PTPRN2: variants seen among roughly 807,000 people sequenced by gnomAD.
PTPRN2 encodes the protein protein tyrosine phosphatase receptor type N2.
A neutral mutation model predicts 118.8 loss-of-function variants in PTPRN2; 74 were observed. The ratio of observed to expected loss-of-function variants is 0.62; its 90% CI spans 0.52 to 0.76. PTPRN2 has a LOEUF of 0.76. PTPRN2 is among the 30% of genes least tolerant of loss of function. The pLI is 0.00. For missense variants in PTPRN2, 1,481 were observed against 1,394.4 expected (o/e 1.06, Z -0.99); for synonymous variants, 641 against 608.0 (o/e 1.05, Z -0.80).
chr7:158,511,200 C>T (rs966500816), intron 1 of PTPRN2, among the ~76,000 whole-genome samples: 4 of 152,174 alleles, frequency 2.6e-5, no homozygotes, highest in Non-Finnish European at 4.4e-5. Flanking sequence ...CTTTTCCTTT[C>T]CCTCCTCACC....
intron 11 of PTPRN2, among the ~76,000 whole-genome samples, chr7:157,982,587 T>G (rs111804167): frequency 0.064 from 1,494 of 23,410 alleles, 1 homozygote; most frequent in Admixed American, 0.089. Context: ...TAGAGACGAG[T>G]AGGGGAATGC....
chr7:157,633,866 C>G (rs1804124523), intron 14 of PTPRN2, among the ~76,000 whole-genome samples: 1 of 152,230 alleles, frequency 6.6e-6, no homozygotes, highest in Non-Finnish European at 1.5e-5. Context: ...GGGAAGCTTT[C>G]ATGAGTTTTA....
chr7:157,789,627 G>GGT (rs1804302646), intron 12 of PTPRN2, among the ~76,000 whole-genome samples: 1 of 152,102 alleles, frequency 6.6e-6, no homozygotes, highest in Admixed American at 6.6e-5. Context: ...GTGTGTATGT[G>GGT]GTGTGTGGTG....
chr7:158,163,205 T>C (rs1822524421), intron 6 of PTPRN2, among the ~76,000 whole-genome samples: 5 of 152,166 alleles, frequency 3.3e-5, no homozygotes, highest in Admixed American at 3.3e-4. Flanking sequence ...CAATATTCTC[T>C]GTATATTTCA....
chr7:157,840,827 C>A (rs1230000221), intron 12 of PTPRN2, among the ~76,000 whole-genome samples: 1 of 152,202 alleles, frequency 6.6e-6, no homozygotes, highest in Non-Finnish European at 1.5e-5. Flanking sequence ...GAAGAGGAGC[C>A]CCGTCCTCAG....
chr7:157,720,997 G>A (rs989599923), intron 12 of PTPRN2, among the ~76,000 whole-genome samples: 1 of 152,124 alleles, frequency 6.6e-6, no homozygotes, highest in Non-Finnish European at 1.5e-5. Context: ...GTGGGGGCTC[G>A]GGGAGGTGTC....
In PTPRN2 at chr7:158,538,147, T is replaced by C. The variant is rs542199469; in HGVS notation, c.113-48362A>G. Among the ~76,000 whole-genome samples the C allele has an allele frequency of 6.6e-4, 101 of 152,360 alleles. 1 individual carries two copies. Among genetic ancestry groups the C allele is most frequent in the African/African-American group, 2.3e-3 (94 of 41,598 alleles). ...CGCTGGCGGAAAAGAGCACAGCTCGTGCACCTTTAGAATCAGTGCCCCTTT... is the reference window on the plus strand; with the variant it reads ...CGCTGGCGGAAAAGAGCACAGCTCGCGCACCTTTAGAATCAGTGCCCCTTT... On this transcript the variant is annotated intron_variant, in intron 1 of 22. Transcript: ENST00000389418.
intron 2 of PTPRN2, among the ~76,000 whole-genome samples, chr7:158,399,954 C>A (rs67537656): frequency 6.6e-6 from 1 of 151,860 alleles, no homozygotes; most frequent in Non-Finnish European, 1.5e-5. Context: ...CTGGGAGGGG[C>A]GGCGAGTCTG....
intron 5 of PTPRN2, among the ~76,000 whole-genome samples, chr7:158,171,631 G>A (rs542469856): frequency 2.8e-3 from 426 of 152,108 alleles, no homozygotes; most frequent in Non-Finnish European, 4.5e-3. Flanking sequence ...GATTACAAGC[G>A]TGAGCCACCA....
chr7:157,872,152 C>T (rs1349006546), intron 12 of PTPRN2, among the ~76,000 whole-genome samples: 3 of 141,876 alleles, frequency 2.1e-5, no homozygotes, highest in Admixed American at 6.9e-5. Flanking sequence ...CACACACATA[C>T]ACAGCGCCTC....
rs116507346 is a variant in PTPRN2 at position 158,522,710 on chromosome 7, G to A, written c.113-32925C>T. On this transcript the variant is annotated intron_variant, in intron 1 of 22. Transcript: ENST00000389418. Reference sequence around the variant, plus strand: ...ATGGTCTGGAGTCCGTGAGGCACTCGGACCACCGGAGCCAGCCCAGGGGTT... The same window carrying A: ...ATGGTCTGGAGTCCGTGAGGCACTCAGACCACCGGAGCCAGCCCAGGGGTT... Among the ~76,000 whole-genome samples, 1,437 of 152,264 alleles carry A rather than the reference G, an allele frequency of 9.4e-3. 19 individuals are homozygous for A. Among genetic ancestry groups the A allele is most frequent in the African/African-American group, 0.032 (1,317 of 41,544 alleles).
At chr7:158,177,241 A>T (rs1281050863) in intron 5 of PTPRN2, among the ~76,000 whole-genome samples, 1 of 152,016 alleles carries the variant, frequency 6.6e-6, no homozygotes, top group Non-Finnish European at 1.5e-5. Context: ...CCTCATCAAG[A>T]GTTGGTTTTA....
intron 3 of PTPRN2, 141 bp downstream of exon 3, chr7:158,316,678 C>G (rs574657791): frequency 1.6e-6 from 1 of 632,224 alleles, no homozygotes; most frequent in Non-Finnish European, 2.7e-6. Context: ...ATGAGCCCAG[C>G]GCCCGGCTCC....
chr7:158,167,729 G>A (rs1462656985), intron 5 of PTPRN2, among the ~76,000 whole-genome samples: 10 of 152,174 alleles, frequency 6.6e-5, no homozygotes, highest in Non-Finnish European at 1.0e-4. Flanking sequence ...TCTTCTGGAC[G>A]TTTGGTGTAA....
intron 13 of PTPRN2, among the ~76,000 whole-genome samples, chr7:157,662,488 G>A (rs1795938966): frequency 2.0e-5 from 3 of 152,230 alleles, no homozygotes; most frequent in Admixed American, 2.0e-4. Flanking sequence ...GACAGCAACA[G>A]CACGTGTTGG....
intron 12 of PTPRN2, among the ~76,000 whole-genome samples, chr7:157,727,316 A>G (rs796207884): frequency 2.6e-5 from 4 of 152,376 alleles, no homozygotes; most frequent in African/African-American, 9.6e-5. Context: ...GGGTGCAGAC[A>G]TATGGCATAA....
intron 12 of PTPRN2, among the ~76,000 whole-genome samples, chr7:157,702,015 C>T (rs1364477694): frequency 2.0e-5 from 3 of 149,622 alleles, no homozygotes; most frequent in Non-Finnish European, 3.0e-5. Flanking sequence ...GTGTAACTGA[C>T]GCGGGCTGTG....
intron 12 of PTPRN2, among the ~76,000 whole-genome samples, chr7:157,765,556 TCCATCCAC>T (rs1186064543): frequency 1.5e-5 from 2 of 130,112 alleles, no homozygotes; most frequent in East Asian, 2.7e-4. Flanking sequence ...CCATTTTTCC[TCCATCCAC>T]CCATCCACTC....
rs1175476400 is a variant in PTPRN2, at chr7:158,270,771, T to C, written c.277+46048A>G. On this transcript the variant is annotated intron_variant, in intron 3 of 22. Transcript: ENST00000389418. ...CGTCTTCTCCACCTGGACCACCCCG[T>C]CCACCTGGACCACCCCTCCACCTGG... 1.9e-3 allele frequency among the ~76,000 whole-genome samples: 189 copies of C among 100,662 alleles called. 2 individuals are homozygous for C. Among genetic ancestry groups the C allele is most frequent in the Admixed American group, 3.2e-3 (31 of 9,602 alleles). 66.0% of individuals were successfully genotyped at this position (100,662 alleles called of 152,430 possible). A position where few individuals can be genotyped will look rare whatever the true frequency, so the allele number is the denominator to read the frequency against.
Sources: allele counts gnomAD v4.1 joint callset (sites outside exome capture counted in the v4.1 genomes callset), GRCh38; gene constraint gnomAD v4.1.1; transcripts MANE v1.5; gene names NCBI Gene and HGNC (gene_info 2026-07-23, HGNC 2026-07-21).